The following MAPK8 variants were observed in gnomAD, a reference collection of about 807,000 sequenced individuals.
MAPK8 encodes JUN N-terminal kinase.
Under a neutral mutation model 52.9 loss-of-function variants are expected in MAPK8, and 13 were observed. The ratio of observed to expected loss-of-function variants is 0.25; its 90% confidence interval spans 0.16 to 0.39. The LOEUF (loss-of-function observed/expected upper bound fraction) is 0.39. Among genes scored for constraint, MAPK8 ranks in the 10% least tolerant of loss-of-function variants. MAPK8 has a pLI of 1.00. For synonymous variants in MAPK8, 191 were observed against 169.8 expected (o/e 1.12, Z -0.97); for missense variants, 300 against 519.2 (o/e 0.58, Z 4.10).
At chr10:48,376,380 T>G (rs888039256) in intron 1 of MAPK8, among the ~76,000 whole-genome samples, 4 of 152,068 alleles carry the variant, frequency 2.6e-5, no homozygotes, top group Admixed American at 2.6e-4. Context: ...AAGCCAAAAT[T>G]GATAAATGGT....
chr10:48,314,634 C>T (rs1210785414), intron 1 of MAPK8, among the ~76,000 whole-genome samples: 1 of 152,080 alleles, frequency 6.6e-6, no homozygotes, highest in East Asian at 1.9e-4. Flanking sequence ...AGAGGTTGTC[C>T]AACTTCCATT....
intron 10 of MAPK8, chr10:48,429,775 A>C (rs910131177): frequency 1.5e-4 from 23 of 152,190 alleles, no homozygotes; most frequent in African/African-American, 5.5e-4. Flanking sequence ...TCATTCCAAC[A>C]TATTCATTTG....
chr10:48,311,258 G>A (rs1215322868), intron 1 of MAPK8, among the ~76,000 whole-genome samples: 1 of 152,150 alleles, frequency 6.6e-6, no homozygotes, highest in African/African-American at 2.4e-5. Context: ...CGTCAAACCA[G>A]TTTAATGCAC....
chr10:48,419,804 AT>A (rs1281228830), intron 5 of MAPK8, among the ~76,000 whole-genome samples: 1 of 152,256 alleles, frequency 6.6e-6, no homozygotes, highest in Non-Finnish European at 1.5e-5. Flanking sequence ...ATGCAAATGA[AT>A]ATAAATGCTA....
At chr10:48,430,259 A>G (rs942771904) in intron 10 of MAPK8, 2 of 152,140 alleles carry the variant, frequency 1.3e-5, no homozygotes, top group African/African-American at 4.8e-5. Context: ...AAGCCCGGCT[A>G]ATTTTTGTGT....
At chr10:48,413,820 T>C (rs1341552325) in intron 5 of MAPK8, among the ~76,000 whole-genome samples, 4 of 72,578 alleles carry the variant, frequency 5.5e-5, no homozygotes, top group Admixed American at 1.9e-4. Context: ...AATTGTTATA[T>C]ATATATATAT....
intron 1 of MAPK8, among the ~76,000 whole-genome samples, chr10:48,372,812 G>A (rs574821363): frequency 5.9e-5 from 9 of 152,126 alleles, no homozygotes; most frequent in African/African-American, 2.2e-4. Flanking sequence ...CACTCTTCAG[G>A]ATATTATCCA....
At chr10:48,366,981 G>A (rs551442862) in intron 1 of MAPK8, among the ~76,000 whole-genome samples, 5 of 152,172 alleles carry the variant, frequency 3.3e-5, no homozygotes, top group African/African-American at 9.6e-5. Context: ...ATGACTAGAA[G>A]GTGTTGGACC....
chr10:48,427,254 TGTG>T (rs1418111190), intron 10 of MAPK8, 111 bp downstream of exon 10: 25 of 641,756 alleles, frequency 3.9e-5, no homozygotes, highest in Middle Eastern at 5.2e-4. Context: ...ATAACCGAAA[TGTG>T]GTAATATTAA....
chr10:48,321,088 A>AG (rs1842950529), intron 1 of MAPK8, among the ~76,000 whole-genome samples: 2 of 108,692 alleles, frequency 1.8e-5, no homozygotes, highest in South Asian at 2.8e-4. Flanking sequence ...ACGTTGTAAG[A>AG]GTTTTTTTTT....
At chr10:48,340,900 C>G (rs1156698277) in intron 1 of MAPK8, among the ~76,000 whole-genome samples, 1 of 152,238 alleles carries the variant, frequency 6.6e-6, no homozygotes, top group African/African-American at 2.4e-5. Flanking sequence ...GGCAAAGTTT[C>G]CATACTGTGT....
Position 48,373,260 on chromosome 10 carries a change from T to C in MAPK8, c.-49-28352T>C, listed in dbSNP as rs561857799. Among the ~76,000 whole-genome samples the C allele has an allele frequency of 2.0e-5, 3 of 152,170 alleles. No homozygotes were observed. The South Asian group carries it at 6.2e-4, about 32-fold the overall frequency. ...AGCACTAAACATGGAAAGGAACAAC[T>C]GGTACTAGCCACTGCAAAAACATAC... is the stretch of plus-strand genomic sequence containing the variant. On this transcript the variant is annotated intron_variant, in intron 1 of 11. Transcript: ENST00000374189.
chr10:48,434,776 TC>T, intron 11 of MAPK8, 107 bp from the exon 12 acceptor site: 1 of 958,822 alleles, frequency 1.0e-6, no homozygotes, highest in Non-Finnish European at 1.5e-6. Context: ...TAGTGAGCCT[TC>T]GAAACCCAAG....
intron 1 of MAPK8, among the ~76,000 whole-genome samples, chr10:48,342,222 G>T (rs1374042252): frequency 6.6e-6 from 1 of 152,102 alleles, no homozygotes; most frequent in Non-Finnish European, 1.5e-5. Context: ...TCCCACCTCA[G>T]CCTCCCAAGT....
chr10:48,354,270 T>G (rs534150396), intron 1 of MAPK8, among the ~76,000 whole-genome samples: 1 of 152,318 alleles, frequency 6.6e-6, no homozygotes, highest in South Asian at 2.1e-4. Context: ...GTCTGTGACA[T>G]TTAAACTGGT....
chr10:48,407,683 T>TA (rs554241958), intron 3 of MAPK8, among the ~76,000 whole-genome samples: 140 of 152,324 alleles, frequency 9.2e-4, no homozygotes, highest in African/African-American at 3.3e-3. Flanking sequence ...TATTCAGTGA[T>TA]ATGTGGGACC....
chr10:48,432,852 G>A (rs2044447307), intron 11 of MAPK8, among the ~76,000 whole-genome samples: 1 of 152,178 alleles, frequency 6.6e-6, no homozygotes, highest in African/African-American at 2.4e-5. Context: ...TGGATCCTCA[G>A]TTATAGCTTG....
At chr10:48,403,318 C>T (rs2042255367) in intron 2 of MAPK8, among the ~76,000 whole-genome samples, 1 of 151,966 alleles carries the variant, frequency 6.6e-6, no homozygotes, top group South Asian at 2.1e-4. Flanking sequence ...ATTAGCTGGG[C>T]ATGGTGGCAC....
chr10:48,330,438 G>A (rs192536596), intron 1 of MAPK8, among the ~76,000 whole-genome samples: 12 of 152,282 alleles, frequency 7.9e-5, no homozygotes, highest in Non-Finnish European at 1.6e-4. Flanking sequence ...GACTTGCCCT[G>A]TGATGTGGCA....
Sources: allele counts gnomAD v4.1 joint callset (sites outside exome capture counted in the v4.1 genomes callset), GRCh38; gene constraint gnomAD v4.1.1; transcripts MANE v1.5; gene names NCBI Gene and HGNC (gene_info 2026-07-23, HGNC 2026-07-21).